FAT3: variants seen among roughly 807,000 people sequenced by gnomAD.
The protein encoded by FAT3 is FAT atypical cadherin 3.
FAT3 carries 95 observed loss-of-function variants against 310.2 expected under a neutral mutation model. The ratio of observed to expected loss-of-function variants is 0.31; its 90% CI spans 0.26 to 0.36. FAT3 has a LOEUF of 0.36. Ranked by LOEUF, FAT3 falls within the 10% of genes least tolerant of loss-of-function variation. FAT3 has a pLI of 1.00. For missense variants in FAT3, 5,408 were observed against 5,715.6 expected, an observed-to-expected ratio of 0.95 and a Z score of 1.74; for synonymous variants, 2,314 against 2,192.9, an observed-to-expected ratio of 1.06 and a Z score of -1.54.
At chr11:92,490,366 T>C (rs1477728670) in intron 2 of FAT3, among the ~76,000 whole-genome samples, 2 of 152,162 alleles carry the variant, frequency 1.3e-5, no homozygotes, top group Non-Finnish European at 2.9e-5. Flanking sequence ...AGGTCTGTTA[T>C]TACAAACTGG....
intron 4 of FAT3, among the ~76,000 whole-genome samples, chr11:92,702,006 T>G (rs1944109989): frequency 6.6e-6 from 1 of 152,222 alleles, no homozygotes; most frequent in Admixed American, 6.5e-5. Flanking sequence ...AGATGTTAAA[T>G]TCAGGTGTGC....
intron 2 of FAT3, among the ~76,000 whole-genome samples, chr11:92,370,846 CAAACAT>C (rs777195076): frequency 1.3e-5 from 2 of 152,128 alleles, no homozygotes; most frequent in Admixed American, 1.3e-4. Context: ...CAGCATGACT[CAAACAT>C]AGATAATGAT....
intron 2 of FAT3, among the ~76,000 whole-genome samples, chr11:92,439,669 T>A (rs534643789): frequency 3.0e-4 from 46 of 152,230 alleles, no homozygotes; most frequent in African/African-American, 1.1e-3. Context: ...TGATCTCAGC[T>A]CTTTGGGAGG....
intron 3 of FAT3, among the ~76,000 whole-genome samples, chr11:92,665,563 A>G (rs528096772): frequency 6.6e-6 from 1 of 152,322 alleles, no homozygotes; most frequent in South Asian, 2.1e-4. Flanking sequence ...AATTGTAAAG[A>G]AATTGGTGTC....
chr11:92,266,660 G>C (rs1352442047), intron 1 of FAT3, among the ~76,000 whole-genome samples: 2 of 152,080 alleles, frequency 1.3e-5, no homozygotes, highest in Non-Finnish European at 2.9e-5. Context: ...AAGCCTTTTT[G>C]CCCATCCTCG....
chr11:92,269,727 T>G (rs16917297), intron 1 of FAT3, among the ~76,000 whole-genome samples: 1,596 of 152,218 alleles, frequency 0.01, 23 homozygotes, highest in African/African-American at 0.036. Flanking sequence ...AGTACTTAGT[T>G]TTGAGTATCA....
At chr11:92,852,072 G>A (rs1277472243) in intron 19 of FAT3, among the ~76,000 whole-genome samples, 1 of 152,144 alleles carries the variant, frequency 6.6e-6, no homozygotes, top group African/African-American at 2.4e-5. Context: ...TGGAAAGAGG[G>A]TTGCTATCCC....
intron 2 of FAT3, among the ~76,000 whole-genome samples, chr11:92,384,529 A>G (rs1949574613): frequency 6.6e-6 from 1 of 152,168 alleles, no homozygotes; most frequent in African/African-American, 2.4e-5. Flanking sequence ...CCTTTGCCCC[A>G]TGATGTGTTG....
intron 1 of FAT3, among the ~76,000 whole-genome samples, chr11:92,251,346 A>G (rs115544111): frequency 0.014 from 2,082 of 152,262 alleles, 48 homozygotes; most frequent in African/African-American, 0.046. Flanking sequence ...CTTAAAAACT[A>G]TGGTGTAAGT....
chr11:92,311,668 A>T (rs1947308718), intron 1 of FAT3, among the ~76,000 whole-genome samples: 1 of 152,224 alleles, frequency 6.6e-6, no homozygotes. Context: ...AAAGGAGGAC[A>T]CTATCAGTAA....
intron 4 of FAT3, among the ~76,000 whole-genome samples, chr11:92,711,042 A>C (rs1292535283): frequency 6.6e-6 from 1 of 152,130 alleles, no homozygotes; most frequent in Non-Finnish European, 1.5e-5. Flanking sequence ...AAATTTAACA[A>C]AAACAGAGAA....
chr11:92,741,770 A>G (rs3858366), intron 4 of FAT3, among the ~76,000 whole-genome samples: 47,242 of 151,962 alleles, frequency 0.31, 7,595 homozygotes, highest in Non-Finnish European at 0.33. Context: ...AGGGACTTGA[A>G]TTTTATTATG....
chr11:92,834,115 A>G (rs1948337092), intron 14 of FAT3, among the ~76,000 whole-genome samples: 1 of 152,222 alleles, frequency 6.6e-6, no homozygotes, highest in Non-Finnish European at 1.5e-5. Context: ...ATGACTGCAG[A>G]ATGCAGGATT....
intron 12 of FAT3, among the ~76,000 whole-genome samples, chr11:92,807,441 T>C (rs1156282304): frequency 6.6e-6 from 1 of 152,194 alleles, no homozygotes; most frequent in East Asian, 1.9e-4. Context: ...TTTTATTTTC[T>C]TTGTAAAACT....
At chr11:92,571,036 G>A (rs1955648980) in intron 3 of FAT3, among the ~76,000 whole-genome samples, 1 of 152,078 alleles carries the variant, frequency 6.6e-6, no homozygotes, top group Non-Finnish European at 1.5e-5. Context: ...AGACCGTGCT[G>A]GGTCCTAAGA....
intron 3 of FAT3, among the ~76,000 whole-genome samples, chr11:92,575,624 C>G (rs1324984700): frequency 2.0e-5 from 3 of 152,074 alleles, no homozygotes; most frequent in Admixed American, 2.0e-4. Context: ...ATAATAGTTA[C>G]TTCATGGATT....
intron 3 of FAT3, among the ~76,000 whole-genome samples, chr11:92,671,675 T>C (rs1943132486): frequency 6.6e-6 from 1 of 152,182 alleles, no homozygotes; most frequent in Non-Finnish European, 1.5e-5. Flanking sequence ...TTGTTTAACA[T>C]GTGTCTTTCC....
At chr11:92,852,335 C>A (rs1335839064) in intron 19 of FAT3, among the ~76,000 whole-genome samples, 1 of 152,152 alleles carries the variant, frequency 6.6e-6, no homozygotes, top group Non-Finnish European at 1.5e-5. Flanking sequence ...CACACATGAT[C>A]ACATCTGTCC....
At chr11:92,674,809 A>T (rs1162199569) in intron 3 of FAT3, among the ~76,000 whole-genome samples, 1 of 152,182 alleles carries the variant, frequency 6.6e-6, no homozygotes, top group Non-Finnish European at 1.5e-5. Flanking sequence ...GATTACAGGC[A>T]TAAGCCACTA....
Sources: gnomAD v4.1 joint callset for allele counts (sites outside exome capture counted in the v4.1 genomes callset) on GRCh38, gnomAD v4.1.1 for gene constraint, MANE v1.5 for transcripts, NCBI Gene and HGNC (gene_info 2026-07-23, HGNC 2026-07-21) for gene names.